MINK1: variants seen among roughly 807,000 people sequenced by gnomAD.
MINK1 encodes the protein misshapen-like kinase 1.
Under a neutral mutation model 178.4 loss-of-function variants are expected in MINK1, and 46 were observed. The ratio of observed to expected loss-of-function variants is 0.26; its 90% CI spans 0.20 to 0.33. MINK1 has a LOEUF of 0.33. Among genes scored for constraint, MINK1 ranks in the 10% least tolerant of loss-of-function variants. The pLI, the probability that MINK1 is intolerant of heterozygous loss-of-function variation, is 1.00. For missense variants in MINK1, 1,366 were observed against 1,814.9 expected, an observed-to-expected ratio of 0.75 and a Z score of 4.49; for synonymous variants, 797 against 709.7, an observed-to-expected ratio of 1.12 and a Z score of -1.96.
intron 15 of MINK1, 75 bp downstream of exon 15, chr17:4,891,199 C>T (rs921298274): frequency 2.2e-5 from 25 of 1,132,658 alleles, no homozygotes; most frequent in African/African-American, 8.7e-5. Context: ...CACACACGCG[C>T]GCACACACAC....
In MINK1 at chr17:4,894,307, G is replaced by C; in HGVS notation, c.2804G>C (p.Gly935Ala). 6.2e-7 allele frequency: 1 copy of C among 1,611,932 alleles called. No homozygotes were observed. Among genetic ancestry groups the C allele is most frequent in the Non-Finnish European group, 8.5e-7 (1 of 1,179,476 alleles). The stretch of plus-strand genomic sequence containing the variant: ...AGCCCACCCTCGAAGGATGGGAGTG[G>C]TGACGTAAGTGGGCCGGAGGCAGGT... ...GQSPPSKDGSGDYQSRGLVKA... is the reference protein window; with the variant it reads ...GQSPPSKDGSADYQSRGLVKA... Residue 935 changes from glycine to alanine, a missense_variant, in exon 23 of 32, where the codon GGT becomes GCT. Gly to Ala is a moderately conservative substitution (Grantham distance 60). Coordinates refer to ENST00000355280, the MANE Select transcript of MINK1 (RefSeq NM_153827.5). The surrounding 1 kb of genome is among the most constrained non-coding windows in gnomAD (Gnocchi z 4.1).
intron 1 of MINK1, among the ~76,000 whole-genome samples, chr17:4,855,346 C>T (rs1226755827): frequency 6.6e-6 from 1 of 150,810 alleles, no homozygotes; most frequent in Non-Finnish European, 1.5e-5. Context: ...ATTAGCTGGG[C>T]GTGGTGGCGG....
At chr17:4,853,101 A>G (rs1193501767) in intron 1 of MINK1, among the ~76,000 whole-genome samples, 1 of 462 alleles carries the variant, frequency 2.2e-3, no homozygotes, top group Non-Finnish European at 3.9e-3. Flanking sequence ...TTGGTGGGGG[A>G]AGTGTGGTTG....
chr17:4,881,483 G>A (rs1474941014), intron 4 of MINK1, among the ~76,000 whole-genome samples: 1 of 152,194 alleles, frequency 6.6e-6, no homozygotes, highest in Non-Finnish European at 1.5e-5. Context: ...GTTTTGTGGG[G>A]AGGGGTCCTG....
chr17:4,892,335 A>G, intron 17 of MINK1, 67 bp from the exon 18 acceptor site: 3 of 1,466,112 alleles, frequency 2.0e-6, no homozygotes, highest in South Asian at 1.2e-5. Context: ...GGGGGTGGGA[A>G]AGCCCCAGCC....
At chr17:4,842,101 G>A (rs7216204) in intron 1 of MINK1, among the ~76,000 whole-genome samples, 2 of 151,872 alleles carry the variant, frequency 1.3e-5, no homozygotes, top group East Asian at 3.9e-4. Context: ...GTGGGCGCCT[G>A]TAGTCCCAGC....
intron 1 of MINK1, among the ~76,000 whole-genome samples, chr17:4,861,266 G>A (rs542488926): frequency 6.6e-6 from 1 of 152,290 alleles, no homozygotes; most frequent in South Asian, 2.1e-4. Context: ...GCGGAGCTGC[G>A]AGAGACGAGA....
chr17:4,882,909 TCAGGAGTTCAAGAC>T (rs1967834505), intron 4 of MINK1: 1 of 151,892 alleles, frequency 6.6e-6, no homozygotes, highest in Non-Finnish European at 1.5e-5. Context: ...TCACCTGAGG[TCAGGAGTTCAAGAC>T]CAGCCTGGCC....
chr17:4,836,114 ATC>A lies in MINK1; in HGVS notation c.57+2478_57+2479del, dbSNP rs978167168. Among the ~76,000 whole-genome samples, 2 of 152,152 alleles carry A rather than the reference ATC, an allele frequency of 1.3e-5. No individual in the cohort carries two copies. The highest frequency in any genetic ancestry group is 1.3e-4 in the Admixed American group (2 of 15,280). ...GCACTGTCAAGCAGCTAGTGTGGTC[ATC>A]TCTTGTGCTATTCCTGTCTGTTTTC... is the stretch of plus-strand genomic sequence containing the variant. On this transcript the variant is annotated intron_variant, in intron 1 of 31. Coordinates refer to ENST00000355280, the MANE Select transcript of MINK1 (RefSeq NM_153827.5). This position sits in a 1 kb window ranked among gnomAD's most constrained non-coding sequence, Gnocchi z 4.3.
chr17:4,834,018 T>TA (rs983613902), intron 1 of MINK1, among the ~76,000 whole-genome samples: 23 of 152,222 alleles, frequency 1.5e-4, no homozygotes, highest in Non-Finnish European at 2.6e-4. Flanking sequence ...CCTTTGCCCT[T>TA]ACTTCTATCT....
At position 4,886,656 on chromosome 17, in the gene MINK1, C is replaced by T. The variant is rs1968232135; in HGVS notation, c.949+30C>T. 2.6e-6 allele frequency: 4 copies of T among 1,539,094 alleles called. No individual in the cohort carries two copies. The highest frequency in any genetic ancestry group is 4.0e-5 in the Admixed American group (2 of 49,528). ...GTGGGCAGGCTGGAGGGGGCAGGTA[C>T]TAGGGGACACTCCAGCCTGGCTCCT... On this transcript the variant is annotated intron_variant, in intron 10 of 31. Transcript: ENST00000355280. This position sits in a 1 kb window ranked among gnomAD's most constrained non-coding sequence, Gnocchi z 6.1.
chr17:4,881,362 C>T, intron 4 of MINK1, 105 bp downstream of exon 4: 1 of 1,295,082 alleles, frequency 7.7e-7, no homozygotes, highest in Non-Finnish European at 1.1e-6. Context: ...GCCAGCTACC[C>T]TCCCTCCGGT....
chr17:4,860,538 T>C (rs1360764687), intron 1 of MINK1, among the ~76,000 whole-genome samples: 1 of 152,208 alleles, frequency 6.6e-6, no homozygotes, highest in Non-Finnish European at 1.5e-5. Context: ...ACTACTACAC[T>C]AACATGACTT....
chr17:4,885,080 G>C lies in MINK1; in HGVS notation c.508+78G>C. 7.2e-7 allele frequency: 1 copy of C among 1,383,572 alleles called. No individual in the cohort carries two copies. The highest frequency in any genetic ancestry group is 1.0e-6 in the Non-Finnish European group (1 of 987,950). The allele number at this position is 1,383,572 out of a possible 1,614,324, so 85.7% of individuals were successfully genotyped here. A position where few individuals can be genotyped will look rare whatever the true frequency, so the allele number is the denominator to read the frequency against. On this transcript the variant is annotated intron_variant, in intron 6 of 31. Coordinates refer to ENST00000355280, the MANE Select transcript of MINK1 (RefSeq NM_153827.5). This position sits in a 1 kb window ranked among gnomAD's most constrained non-coding sequence, Gnocchi z 5.0. ...AATGAGGGGCCCCTTTTTCTCTCTG[G>C]TGGCTCAGGCCCAACTCCCTTCCTA... is the stretch of plus-strand genomic sequence containing the variant.
intron 1 of MINK1, among the ~76,000 whole-genome samples, chr17:4,851,559 TCTC>T (rs1325325345): frequency 1.3e-5 from 2 of 152,088 alleles, no homozygotes; most frequent in African/African-American, 2.4e-5. Flanking sequence ...CCCGTTTCCT[TCTC>T]CTTTCCACTG....
At position 4,895,289 on chromosome 17, in the gene MINK1, T is replaced by C. The variant is rs576749085; in HGVS notation, c.3085+47T>C. ...TGAGGAGGCTCTGGCGTGGCTCTTGTGCTCCTGGTTAGGTGAGGGCCTGGC... is the reference window on the plus strand; with the variant it reads ...TGAGGAGGCTCTGGCGTGGCTCTTGCGCTCCTGGTTAGGTGAGGGCCTGGC... On this transcript the variant is annotated intron_variant, in intron 25 of 31. Transcript: ENST00000355280. The surrounding 1 kb of genome is among the most constrained non-coding windows in gnomAD (Gnocchi z 4.3). 2 of 1,610,366 alleles carry C rather than the reference T, an allele frequency of 1.2e-6. No individual in the cohort carries two copies. Among genetic ancestry groups the C allele is most frequent in the South Asian group, 1.1e-5 (1 of 90,830 alleles).
At position 4,896,309 on chromosome 17, in the gene MINK1, G is replaced by T. The variant is rs751465352; in HGVS notation, c.3582G>T (p.Ser1194=). The change falls in exon 29 of 32, where the codon TCG becomes TCT. Residue 1194 remains serine, a synonymous_variant. Coordinates refer to ENST00000355280, the MANE Select transcript of MINK1 (RefSeq NM_153827.5). This position sits in a 1 kb window ranked among gnomAD's most constrained non-coding sequence, Gnocchi z 4.6. The stretch of plus-strand genomic sequence containing the variant: ...GCTTCCATGCTGTGGATGTCGACTC[G>T]GGGAACAGCTATGACATCTACATCC... The part of the protein sequence containing the change: ...SAGFHAVDVD[S]GNSYDIYIPV... 23 of 1,600,342 alleles carry T rather than the reference G, an allele frequency of 1.4e-5. No individual in the cohort carries two copies. In the Admixed American group the frequency reaches 1.7e-4, roughly 12 times the overall value.
intron 1 of MINK1, among the ~76,000 whole-genome samples, chr17:4,871,968 T>A (rs1915909358): frequency 6.6e-6 from 1 of 152,136 alleles, no homozygotes; most frequent in Non-Finnish European, 1.5e-5. Context: ...TGCCTCAGCC[T>A]CCTGAGGGAA....
intron 1 of MINK1, among the ~76,000 whole-genome samples, chr17:4,865,786 C>CTGGT (rs1271764687): frequency 1.3e-5 from 2 of 150,404 alleles, no homozygotes; most frequent in East Asian, 3.9e-4. Flanking sequence ...TCCCAGTTAC[C>CTGGT]TGGTAGGCTA....
Sources: allele counts gnomAD v4.1 joint callset (sites outside exome capture counted in the v4.1 genomes callset), GRCh38; gene constraint gnomAD v4.1.1; non-coding constraint Gnocchi (gnomAD v3.1); transcripts MANE v1.5; gene names NCBI Gene and HGNC (gene_info 2026-07-23, HGNC 2026-07-21).